ANK2: variants seen among roughly 807,000 people sequenced by gnomAD.
ANK2 encodes ankyrin-2.
A neutral mutation model predicts 360.5 loss-of-function variants in ANK2; 83 were observed. The observed-to-expected ratio is 0.23, with a 90% CI of 0.19 to 0.28. The LOEUF (loss-of-function observed/expected upper bound fraction) is 0.28, where lower values mean the gene tolerates loss of function less well. ANK2 is among the 10% of genes least tolerant of loss of function. ANK2 has a pLI of 1.00. For missense variants in ANK2, 4,201 were observed against 4,795.7 expected (o/e 0.88, Z 3.66); for synonymous variants, 1,740 against 1,759.5 (o/e 0.99, Z 0.28).
At chr4:113,079,247 C>T (rs541465502) in intron 1 of ANK2, among the ~76,000 whole-genome samples, 6 of 152,262 alleles carry the variant, frequency 3.9e-5, no homozygotes, top group South Asian at 2.1e-4. Context: ...TTGTTAGCCT[C>T]GATTGTTTCC....
the ANK2 span, among the ~76,000 whole-genome samples, chr4:112,726,222 G>C: frequency 1.3e-5 from 2 of 152,134 alleles, no homozygotes; most frequent in African/African-American, 4.8e-5. Flanking sequence ...TAGGAGAGGA[G>C]AGTGGTGGAA....
intron 10 of ANK2, 89 bp from the exon 11 acceptor site, chr4:113,255,646 A>C: frequency 3.7e-5 from 50 of 1,351,368 alleles, no homozygotes; most frequent in Non-Finnish European, 4.9e-5. Context: ...TAACTGTGTT[A>C]GAGATCAAGA....
chr4:112,808,025 A>G, the ANK2 span, among the ~76,000 whole-genome samples: 1 of 152,234 alleles, frequency 6.6e-6, no homozygotes, highest in Non-Finnish European at 1.5e-5. Context: ...TGTTCAAGAA[A>G]ATGAAGGTCT....
intron 2 of ANK2, among the ~76,000 whole-genome samples, chr4:112,991,571 G>A (rs534128675): frequency 2.8e-5 from 4 of 145,158 alleles, no homozygotes; most frequent in Non-Finnish European, 4.5e-5. Flanking sequence ...CACACCCCTC[G>A]TATTCTCTTC....
At chr4:112,845,862 G>A (rs955717513) in intron 1 of ANK2, among the ~76,000 whole-genome samples, 2 of 152,188 alleles carry the variant, frequency 1.3e-5, no homozygotes, top group African/African-American at 2.4e-5. Flanking sequence ...TGGTTCTGGG[G>A]TAGGATCAAA....
chr4:113,244,565 G>A (rs116278389), intron 9 of ANK2, among the ~76,000 whole-genome samples: 2,010 of 152,246 alleles, frequency 0.013, 41 homozygotes, highest in African/African-American at 0.046. Context: ...TTTCATATGA[G>A]CTGGTTCCAG....
At chr4:113,302,720 T>C (rs767090941) in intron 22 of ANK2, 47 bp from the exon 23 acceptor site, 2 of 1,484,332 alleles carry the variant, frequency 1.3e-6, no homozygotes, top group Non-Finnish European at 1.9e-6. Flanking sequence ...TCATCTTTTG[T>C]TTACTTTTGG....
At chr4:113,264,194 A>G (rs1563262561) in intron 13 of ANK2, among the ~76,000 whole-genome samples, 2 of 148,612 alleles carry the variant, frequency 1.3e-5, no homozygotes, top group Non-Finnish European at 3.0e-5. Context: ...GTCTAGTCTC[A>G]TAACACAAAA....
At chr4:113,076,208 A>C (rs1243188593) in intron 1 of ANK2, among the ~76,000 whole-genome samples, 1 of 152,250 alleles carries the variant, frequency 6.6e-6, no homozygotes, top group East Asian at 1.9e-4. Flanking sequence ...TGAGCTTAAA[A>C]GTACTGCAAA....
chr4:112,989,995 G>A lies in ANK2; in HGVS notation c.21+85481G>A, dbSNP rs188499363. Among the ~76,000 whole-genome samples, 26 of 152,264 alleles carry A rather than the reference G, an allele frequency of 1.7e-4. 1 individual carries two copies. The highest frequency in any genetic ancestry group is 3.3e-4 in the Admixed American group (5 of 15,296). On this transcript the variant is annotated intron_variant, in intron 2 of 30. Coordinates refer to the ANK2 transcript ENST00000503271. ...AAAAAATAATTCAGGTATTGTCTGGGCACAGTGACTTATGCCTGTAATCCT... is the reference window on the plus strand; with the variant it reads ...AAAAAATAATTCAGGTATTGTCTGGACACAGTGACTTATGCCTGTAATCCT...
At chr4:113,289,213 T>C (rs1312930360) in intron 20 of ANK2, among the ~76,000 whole-genome samples, 1 of 121,348 alleles carries the variant, frequency 8.2e-6, no homozygotes, top group Non-Finnish European at 1.7e-5. Flanking sequence ...AAATTTCTTT[T>C]TCTTTTTTTT....
chr4:113,214,815 ATAATT>A, intron 4 of ANK2, among the ~76,000 whole-genome samples: 1 of 152,182 alleles, frequency 6.6e-6, no homozygotes, highest in Admixed American at 6.5e-5. Context: ...TTTTTGTGTA[ATAATT>A]TTGAAATGCC....
the ANK2 span, among the ~76,000 whole-genome samples, chr4:112,762,021 A>C: frequency 3.3e-5 from 5 of 152,238 alleles, no homozygotes; most frequent in Admixed American, 2.0e-4. Flanking sequence ...AGAGAAAGCC[A>C]TACCAACATC....
chr4:112,880,204 A>ATT lies in ANK2; in HGVS notation c.-39-24251_-39-24250insTT, dbSNP rs2076332440. The stretch of plus-strand genomic sequence containing the variant: ...AACCATCAATATGCTCAAAGGAATG[A>ATT]ACACATCTTTTATGCTTAAAAGTTT... On this transcript the variant is annotated intron_variant, in intron 1 of 30. Coordinates refer to the ANK2 transcript ENST00000503271. The ATT allele has an allele frequency of 1.3e-5, 2 of 152,222 alleles. 1 individual carries two copies. The highest frequency in any genetic ancestry group is 1.3e-4 in the Admixed American group (2 of 15,284). The allele number at this position is 152,222 out of a possible 1,614,324, so 9.4% of individuals were successfully genotyped here.
chr4:113,091,382 A>C (rs945037918), intron 1 of ANK2, among the ~76,000 whole-genome samples: 7 of 152,186 alleles, frequency 4.6e-5, no homozygotes, highest in African/African-American at 1.7e-4. Flanking sequence ...TTTTGATCAA[A>C]TTTTGGATTG....
At chr4:113,368,219 C>T (rs954753385) in intron 42 of ANK2, among the ~76,000 whole-genome samples, 11 of 152,190 alleles carry the variant, frequency 7.2e-5, no homozygotes, top group African/African-American at 2.2e-4. Context: ...GTAGATGACA[C>T]GGCCATGACT....
At chr4:113,219,936 G>A (rs1337922523) in intron 4 of ANK2, among the ~76,000 whole-genome samples, 3 of 152,060 alleles carry the variant, frequency 2.0e-5, no homozygotes, top group African/African-American at 7.2e-5. Context: ...CAACAAAAAG[G>A]GGGTTTTCTT....
At chr4:112,792,733 A>G in the ANK2 span, among the ~76,000 whole-genome samples, 1 of 152,234 alleles carries the variant, frequency 6.6e-6, no homozygotes, top group Non-Finnish European at 1.5e-5. Flanking sequence ...TACACATTCT[A>G]TAATTTTCCA....
At chr4:113,234,051 A>G (rs1451378170) in intron 5 of ANK2, among the ~76,000 whole-genome samples, 1 of 152,184 alleles carries the variant, frequency 6.6e-6, no homozygotes. Context: ...ATTTCCTTGA[A>G]AGCAGAATCA....
Sources: gnomAD v4.1 joint callset for allele counts (sites outside exome capture counted in the v4.1 genomes callset) on GRCh38, gnomAD v4.1.1 for gene constraint, MANE v1.5 for transcripts, NCBI Gene and HGNC (gene_info 2026-07-23, HGNC 2026-07-21) for gene names.